The following GSR variants were observed in gnomAD, a reference collection of about 807,000 sequenced individuals.
The protein encoded by GSR is glutathione reductase, mitochondrial.
Under a neutral mutation model 56.5 loss-of-function variants are expected in GSR, and 48 were observed. The observed-to-expected ratio is 0.85, with a 90% CI of 0.67 to 1.08. The LOEUF (loss-of-function observed/expected upper bound fraction) is 1.08, where lower values mean the gene tolerates loss of function less well. Ranked by LOEUF, GSR falls within the 50% of genes least tolerant of loss-of-function variation. GSR has a pLI of 0.00. For synonymous variants in GSR, 264 were observed against 270.8 expected, an observed-to-expected ratio of 0.97 and a Z score of 0.25; for missense variants, 694 against 703.3, an observed-to-expected ratio of 0.99 and a Z score of 0.15.
At chr8:30,689,118 C>A in intron 9 of GSR, 43 bp downstream of exon 9, 2 of 1,589,210 alleles carry the variant, frequency 1.3e-6, no homozygotes, top group Non-Finnish European at 1.7e-6. Context: ...CATAAGACTC[C>A]TAGTAGATTC....
intron 3 of GSR, 70 bp downstream of exon 3, chr8:30,709,744 G>A (rs529059682): frequency 1.1e-6 from 1 of 870,092 alleles, no homozygotes; most frequent in East Asian, 2.4e-5. Context: ...CCCTAAAAAA[G>A]TTTATGGCTC....
At position 30,682,044 on chromosome 8, in the gene GSR, G is replaced by A. The variant is rs201693439; in HGVS notation, c.1171C>T (p.Arg391Ter). The A allele has an allele frequency of 2.3e-5, 37 of 1,612,894 alleles. No individual in the cohort carries two copies. Among genetic ancestry groups the A allele is most frequent in the South Asian group, 1.3e-4 (12 of 91,070 alleles). Reference protein sequence around the residue: ...LLTPVAIAAGRKLAHRLFEYK... With the variant: ...LLTPVAIAAG ...TCAAAAAGTCGATGGGCAAGTTTTC[G>A]GCCAGCAGCTATTGCAACTATGGAG... The change falls in exon 11 of 13, where the codon CGA becomes TGA. Residue 391 changes from arginine (R) to a stop codon, truncating the protein, a stop_gained. Coordinates refer to ENST00000221130, the MANE Select transcript of GSR (RefSeq NM_000637.5). LOFTEE classifies it high-confidence loss of function.
In GSR at chr8:30,678,162, T is replaced by C. The variant is rs1802808412; in HGVS notation, c.*1358A>G. ...CACATACAAATATTGAAATTATTCA[T>C]TGAACTATAAACACTTAGCAGAGGA... On this transcript the variant is annotated 3_prime_UTR_variant, in exon 13 of 13. Coordinates refer to ENST00000221130, the MANE Select transcript of GSR (RefSeq NM_000637.5). The C allele has an allele frequency of 2.0e-5, 3 of 152,014 alleles. No individual in the cohort carries two copies. Among genetic ancestry groups the C allele is most frequent in the South Asian group, 2.1e-4 (1 of 4,820 alleles). The allele number at this position is 152,014 out of a possible 1,614,324, so 9.4% of individuals were successfully genotyped here.
At chr8:30,683,859 C>T (rs1480998827) in intron 10 of GSR, among the ~76,000 whole-genome samples, 1 of 152,038 alleles carries the variant, frequency 6.6e-6, no homozygotes, top group Admixed American at 6.6e-5. Flanking sequence ...AACGGGTGAT[C>T]ATATTGTCTA....
chr8:30,700,040 A>T, intron 6 of GSR, 41 bp downstream of exon 6: 2 of 1,468,806 alleles, frequency 1.4e-6, no homozygotes, highest in South Asian at 2.3e-5. Flanking sequence ...AGGAGACAGT[A>T]AGGAAGAATG....
chr8:30,685,985 CAAAAAAAAAAAAAAAAA>C (rs71206274), intron 9 of GSR, among the ~76,000 whole-genome samples: 1 of 37,238 alleles, frequency 2.7e-5, no homozygotes, highest in African/African-American at 1.1e-4. Flanking sequence ...GACTCTGCCT[CAAAAAAAAAAAAAAAAA>C]AAAAAAAAAA....
At chr8:30,690,583 C>G (rs965668405) in intron 8 of GSR, among the ~76,000 whole-genome samples, 10 of 152,112 alleles carry the variant, frequency 6.6e-5, no homozygotes, top group African/African-American at 2.4e-4. Context: ...ACCAGCCGAG[C>G]ATTTTTACAT....
chr8:30,706,153 G>A (rs1803911014), intron 4 of GSR, among the ~76,000 whole-genome samples: 1 of 150,752 alleles, frequency 6.6e-6, no homozygotes, highest in Non-Finnish European at 1.5e-5. Flanking sequence ...TTCAGCCTGG[G>A]TGACAGAGTA....
chr8:30,723,783 AAC>A (rs5890533), intron 1 of GSR, among the ~76,000 whole-genome samples: 15,505 of 52,426 alleles, frequency 0.3, 1,036 homozygotes, highest in Middle Eastern at 0.5. Flanking sequence ...CAGAGCAACA[AAC>A]ACACACACAC....
rs943057980 is a variant in GSR, at chr8:30,703,078, T to C, written c.640+15A>G. The C allele has an allele frequency of 3.1e-6, 5 of 1,613,148 alleles. No homozygotes were observed. The highest frequency in any genetic ancestry group is 1.1e-5 in the South Asian group (1 of 91,058). On this transcript the variant is annotated intron_variant, in intron 5 of 12. Coordinates refer to ENST00000221130, the MANE Select transcript of GSR (RefSeq NM_000637.5). The stretch of plus-strand genomic sequence containing the variant: ...CTCCTGACTGCTGTTAATGAGTACC[T>C]GTTGTATGACTCACCGGGGATCTGG...
chr8:30,712,354 T>G (rs1451051958), intron 1 of GSR, among the ~76,000 whole-genome samples: 1 of 152,174 alleles, frequency 6.6e-6, no homozygotes, highest in Non-Finnish European at 1.5e-5. Context: ...CTAAGAGGAC[T>G]TCTCGGGAAA....
At chr8:30,687,804 C>T (rs1803214447) in intron 9 of GSR, among the ~76,000 whole-genome samples, 1 of 152,134 alleles carries the variant, frequency 6.6e-6, no homozygotes, top group East Asian at 1.9e-4. Context: ...TCATTGTGTT[C>T]ATAATGTAAG....
At chr8:30,699,973 G>T in intron 6 of GSR, 108 bp downstream of exon 6, 1 of 811,516 alleles carries the variant, frequency 1.2e-6, no homozygotes, top group South Asian at 1.3e-5. Context: ...TAAGAGGAGG[G>T]AATTCAGGAA....
In GSR at chr8:30,684,183, T is replaced by C. The variant is rs142894227; in HGVS notation, c.1058A>G (p.Asp353Gly). ...SLNKLGIQTD[D>G]KGHIIVDEFQ... The stretch of plus-strand genomic sequence containing the variant: ...TTCGTCTACGATGATATGACCCTTG[T>C]CATCGGTTTGAATCCCCTAAAATTA... Residue 353 changes from aspartate to glycine, a missense_variant, in exon 10 of 13, where the codon GAC becomes GGC. Physicochemically the swap from Asp to Gly is moderately conservative, Grantham distance 94. Coordinates refer to ENST00000221130, the MANE Select transcript of GSR (RefSeq NM_000637.5). 8 of 1,600,378 alleles carry C rather than the reference T, an allele frequency of 5.0e-6. No homozygotes were observed. In the Admixed American group the frequency reaches 1.3e-4, roughly 27 times the overall value.
chr8:30,707,886 G>C (rs1480015488), intron 4 of GSR, among the ~76,000 whole-genome samples, 186 bp downstream of exon 4: 1 of 151,866 alleles, frequency 6.6e-6, no homozygotes, highest in Non-Finnish European at 1.5e-5. Context: ...GAACTCAGGA[G>C]GCGGAGGTTG....
intron 1 of GSR, among the ~76,000 whole-genome samples, chr8:30,714,353 G>A (rs1036747966): frequency 2.2e-4 from 33 of 151,922 alleles, no homozygotes; most frequent in African/African-American, 6.5e-4. Context: ...TGGGACCACA[G>A]GCGTTCACCG....
rs60532553 is a variant in GSR, at chr8:30,710,714, C to CAAAAAAAAAAAA, written c.334-824_334-813dup. ...CCTGGGCAAGAGTGAGACTCTGTCT[C>CAAAAAAAAAAAA]AAAAAAAAAAAAAAAAAAAAAAAAA... On this transcript the variant is annotated intron_variant, in intron 2 of 12. Coordinates refer to ENST00000221130, the MANE Select transcript of GSR (RefSeq NM_000637.5). Among the ~76,000 whole-genome samples, 17 of 51,020 alleles carry CAAAAAAAAAAAA rather than the reference C, an allele frequency of 3.3e-4. 4 individuals are homozygous for CAAAAAAAAAAAA. The highest frequency in any genetic ancestry group is 9.2e-4 in the African/African-American group (14 of 15,180). 33.5% of individuals were successfully genotyped at this position (51,020 alleles called of 152,430 possible). A position where few individuals can be genotyped will look rare whatever the true frequency, so the allele number is the denominator to read the frequency against.
intron 1 of GSR, among the ~76,000 whole-genome samples, chr8:30,724,544 C>CTTTTTTTTT (rs56145808): frequency 9.5e-5 from 8 of 84,636 alleles, no homozygotes; most frequent in Non-Finnish European, 1.2e-4. Context: ...AACCCCCCAC[C>CTTTTTTTTT]TTTTTTTTTT....
Position 30,727,557 on chromosome 8 carries a change from C to A in GSR, c.279G>T (p.Val93=). The change falls in exon 1 of 13, where the codon GTG becomes GTT. Residue 93 remains valine (V), a synonymous_variant. Transcript: ENST00000221130. ...AAGTGCCACCCAGCTTGTGGCTCTC[C>A]ACCACGGCGGCCCTGGCACCCAGCT... ...AAELGARAAV[V]ESHKLGGTCV... 6.5e-7 allele frequency: 1 copy of A among 1,536,464 alleles called. No homozygotes were observed. The highest frequency in any genetic ancestry group is 1.2e-5 in the South Asian group (1 of 83,564).
Sources: allele counts gnomAD v4.1 joint callset (sites outside exome capture counted in the v4.1 genomes callset), GRCh38; gene constraint gnomAD v4.1.1; transcripts MANE v1.5; gene names NCBI Gene and HGNC (gene_info 2026-07-23, HGNC 2026-07-21).